OPCML: variants seen among roughly 807,000 people sequenced by gnomAD.
OPCML encodes opioid binding protein/cell adhesion molecule like.
Under a neutral mutation model 37.8 loss-of-function variants are expected in OPCML, and 13 were observed. The observed-to-expected ratio is 0.34, with a 90% CI of 0.22 to 0.55. The LOEUF (loss-of-function observed/expected upper bound fraction) is 0.55, where lower values mean the gene tolerates loss of function less well. Ranked by LOEUF, OPCML falls within the 20% of genes least tolerant of loss-of-function variation. The pLI, the probability that OPCML is intolerant of heterozygous loss-of-function variation, is 0.91. For synonymous variants in OPCML, 176 were observed against 168.8 expected (o/e 1.04, Z -0.33); for missense variants, 341 against 435.6 (o/e 0.78, Z 1.93).
chr11:133,217,794 T>A (rs1309357243), intron 1 of OPCML, among the ~76,000 whole-genome samples: 2 of 152,344 alleles, frequency 1.3e-5, no homozygotes, highest in East Asian at 3.9e-4. Context: ...GGCTAGCACC[T>A]GTAATCCCAG....
At chr11:132,422,979 A>G (rs1290548055) in intron 7 of OPCML, among the ~76,000 whole-genome samples, 1 of 152,066 alleles carries the variant, frequency 6.6e-6, no homozygotes, top group African/African-American at 2.4e-5. Context: ...TTGAGAAGAG[A>G]TGGGGTTTGA....
At chr11:132,959,165 T>C (rs1430915408) in intron 1 of OPCML, among the ~76,000 whole-genome samples, 1 of 152,196 alleles carries the variant, frequency 6.6e-6, no homozygotes, top group Non-Finnish European at 1.5e-5. Flanking sequence ...AAGACGTTGA[T>C]TCCAAGCCTC....
At chr11:133,524,933 A>C (rs536371984) in intron 1 of OPCML, among the ~76,000 whole-genome samples, 1 of 152,334 alleles carries the variant, frequency 6.6e-6, no homozygotes, top group East Asian at 1.9e-4. Flanking sequence ...GTGAGCACTC[A>C]GTGTTTATTT....
intron 1 of OPCML, among the ~76,000 whole-genome samples, chr11:133,275,029 G>C (rs1160980414): frequency 1.3e-5 from 2 of 151,540 alleles, no homozygotes; most frequent in Non-Finnish European, 2.9e-5. Context: ...GAACATTTTT[G>C]GGTCTGGCCA....
At chr11:132,628,217 G>C (rs1421818619) in intron 3 of OPCML, among the ~76,000 whole-genome samples, 14 of 152,098 alleles carry the variant, frequency 9.2e-5, no homozygotes. Flanking sequence ...CATGAACAGA[G>C]AAGGAGAGAG....
chr11:133,465,524 T>A (rs1411291617), intron 1 of OPCML, among the ~76,000 whole-genome samples: 1 of 152,236 alleles, frequency 6.6e-6, no homozygotes, highest in Admixed American at 6.5e-5. Context: ...TGCTAAGCAC[T>A]GTGCTAGAAT....
At chr11:133,146,053 C>A (rs1010589784) in intron 1 of OPCML, among the ~76,000 whole-genome samples, 5 of 152,130 alleles carry the variant, frequency 3.3e-5, no homozygotes, top group Non-Finnish European at 7.4e-5. Context: ...ATGATTGAAG[C>A]GAGGGACTAG....
chr11:133,423,613 A>G (rs1945938195), intron 1 of OPCML, among the ~76,000 whole-genome samples: 2 of 152,192 alleles, frequency 1.3e-5, no homozygotes, highest in South Asian at 4.1e-4. Context: ...AGAGGAATAA[A>G]CACCTTTGCT....
At chr11:132,957,230 G>T (rs774819701) in intron 1 of OPCML, among the ~76,000 whole-genome samples, 1 of 152,180 alleles carries the variant, frequency 6.6e-6, no homozygotes, top group Non-Finnish European at 1.5e-5. Context: ...TGGGAAGGAA[G>T]GAGACGGAGA....
intron 1 of OPCML, among the ~76,000 whole-genome samples, chr11:133,398,290 A>G (rs995265792): frequency 2.6e-5 from 4 of 152,190 alleles, no homozygotes; most frequent in Non-Finnish European, 4.4e-5. Flanking sequence ...GGACTGCCCA[A>G]TGTGGTCCTT....
chr11:133,175,318 A>C (rs1950351451), intron 1 of OPCML, among the ~76,000 whole-genome samples: 1 of 152,164 alleles, frequency 6.6e-6, no homozygotes, highest in Non-Finnish European at 1.5e-5. Context: ...AGTCCACTGG[A>C]GCCATGAGTA....
At chr11:132,547,189 A>T (rs2096370641) in intron 3 of OPCML, among the ~76,000 whole-genome samples, 1 of 152,178 alleles carries the variant, frequency 6.6e-6, no homozygotes, top group Admixed American at 6.5e-5. Flanking sequence ...AAATTGATGA[A>T]ATACCTTCTT....
At chr11:133,071,390 G>T (rs1948531070) in intron 1 of OPCML, among the ~76,000 whole-genome samples, 1 of 152,176 alleles carries the variant, frequency 6.6e-6, no homozygotes, top group Non-Finnish European at 1.5e-5. Flanking sequence ...CTCACAAGTG[G>T]AATGATGTAA....
chr11:133,337,221 C>T (rs1195614580), intron 1 of OPCML, among the ~76,000 whole-genome samples: 1 of 152,156 alleles, frequency 6.6e-6, no homozygotes, highest in Admixed American at 6.5e-5. Context: ...AGTCAGCCAC[C>T]ATTTTGAGAG....
chr11:133,005,637 G>A, intron 1 of OPCML: 1 of 978,154 alleles, frequency 1.0e-6, no homozygotes, highest in Non-Finnish European at 1.2e-6. Flanking sequence ...TGATGGCTCA[G>A]CCATCCAAGA....
chr11:132,958,845 C>G (rs1243663654), intron 1 of OPCML, among the ~76,000 whole-genome samples: 1 of 152,186 alleles, frequency 6.6e-6, no homozygotes, highest in Non-Finnish European at 1.5e-5. Flanking sequence ...ATATCACTGC[C>G]CATTGACAAT....
intron 1 of OPCML, among the ~76,000 whole-genome samples, chr11:133,499,800 ATGTGTGTG>A (rs1169720428): frequency 7.1e-6 from 1 of 140,484 alleles, no homozygotes; most frequent in African/African-American, 2.7e-5. Context: ...ACATATATAT[ATGTGTGTG>A]TATATATATA....
chr11:133,073,760 A>T (rs1175768128), intron 1 of OPCML, among the ~76,000 whole-genome samples: 1 of 152,226 alleles, frequency 6.6e-6, no homozygotes, highest in Non-Finnish European at 1.5e-5. Context: ...CCAAGTGATT[A>T]TGAACAAATG....
intron 1 of OPCML, among the ~76,000 whole-genome samples, chr11:133,437,444 T>C (rs1278139382): frequency 2.0e-5 from 3 of 152,110 alleles, no homozygotes; most frequent in East Asian, 3.9e-4. Context: ...ACTTGGGAAA[T>C]TGCAGGTCCT....
Sources: gnomAD v4.1 joint callset for allele counts (sites outside exome capture counted in the v4.1 genomes callset) on GRCh38, gnomAD v4.1.1 for gene constraint, MANE v1.5 for transcripts, NCBI Gene and HGNC (gene_info 2026-07-23, HGNC 2026-07-21) for gene names.